Variants in GPR107 observed in about 807,000 individuals in gnomAD.
The protein encoded by GPR107 is protein GPR107.
GPR107 carries 31 observed loss-of-function variants against 75.5 expected under a neutral mutation model. The observed-to-expected ratio is 0.41, with a 90% CI of 0.31 to 0.55. The LOEUF is 0.55. Ranked by LOEUF, GPR107 falls within the 20% of genes least tolerant of loss-of-function variation. The probability of loss-of-function intolerance (pLI) is 0.26; values close to 1 mark genes in which losing one functional copy is unlikely to be tolerated. For missense variants in GPR107, 572 were observed against 665.7 expected (o/e 0.86, Z 1.55); for synonymous variants, 267 against 251.3 (o/e 1.06, Z -0.59).
chr9:130,071,070 CTG>C (rs1830197394), intron 1 of GPR107, among the ~76,000 whole-genome samples: 1 of 126,456 alleles, frequency 7.9e-6, no homozygotes, highest in Non-Finnish European at 1.6e-5. Context: ...GAGTCACACT[CTG>C]TGGCGCAGGC....
intron 13 of GPR107, 40 bp downstream of exon 13, chr9:130,104,590 G>C (rs200034101): frequency 3.0e-5 from 47 of 1,588,450 alleles, no homozygotes; most frequent in Non-Finnish European, 4.0e-5. Flanking sequence ...TGACAGCTTG[G>C]CTGTCAAGCC....
At chr9:130,102,071 CTG>C (rs1254215372) in intron 12 of GPR107, among the ~76,000 whole-genome samples, 2 of 152,136 alleles carry the variant, frequency 1.3e-5, no homozygotes, top group Non-Finnish European at 1.5e-5. Context: ...GCCAGTTGCT[CTG>C]TGTTTCCAAG....
chr9:130,091,499 GGTT>G (rs1217254596), intron 8 of GPR107, among the ~76,000 whole-genome samples: 2 of 150,278 alleles, frequency 1.3e-5, no homozygotes, highest in African/African-American at 4.9e-5. Context: ...AAAAAAAAGT[GGTT>G]GTGTGGTTAT....
intron 13 of GPR107, among the ~76,000 whole-genome samples, chr9:130,106,637 A>ATAATAG (rs1564677038): frequency 2.6e-5 from 4 of 151,200 alleles, no homozygotes; most frequent in Non-Finnish European, 5.9e-5. Flanking sequence ...AATAATAATA[A>ATAATAG]TACTTGTAAA....
At chr9:130,093,706 T>A (rs1203887632) in intron 9 of GPR107, among the ~76,000 whole-genome samples, 1 of 152,056 alleles carries the variant, frequency 6.6e-6, no homozygotes, top group Non-Finnish European at 1.5e-5. Context: ...ATGGGCGAGG[T>A]GTGGTGGCTC....
chr9:130,119,685 G>C (rs1404357962), intron 14 of GPR107, among the ~76,000 whole-genome samples: 3 of 152,168 alleles, frequency 2.0e-5, no homozygotes, highest in African/African-American at 7.2e-5. Context: ...TGCCTCTGCT[G>C]CTTCAGCTGT....
intron 1 of GPR107, among the ~76,000 whole-genome samples, chr9:130,065,979 C>CT (rs1194019127): frequency 6.6e-6 from 1 of 151,586 alleles, no homozygotes; most frequent in Non-Finnish European, 1.5e-5. Flanking sequence ...ATTCACTCCC[C>CT]CCCAAAAGTA....
At chr9:130,087,454 G>C (rs1830641452) in intron 7 of GPR107, among the ~76,000 whole-genome samples, 1 of 151,950 alleles carries the variant, frequency 6.6e-6, no homozygotes, top group East Asian at 2.0e-4. Context: ...GATTGCTTGA[G>C]CCCAGGAGTT....
chr9:130,093,800 G>A (rs1020741689), intron 9 of GPR107, among the ~76,000 whole-genome samples: 1 of 151,854 alleles, frequency 6.6e-6, no homozygotes, highest in African/African-American at 2.4e-5. Context: ...GGGCAACATA[G>A]CAAGACCCCC....
intron 12 of GPR107, among the ~76,000 whole-genome samples, chr9:130,102,747 T>C (rs528903171): frequency 1.3e-5 from 2 of 152,040 alleles, no homozygotes; most frequent in South Asian, 4.1e-4. Context: ...AAGGACAAAA[T>C]GGAATTTTGA....
chr9:130,125,159 C>T (rs1439138675), intron 15 of GPR107, among the ~76,000 whole-genome samples, 195 bp downstream of exon 15: 3 of 117,834 alleles, frequency 2.5e-5, no homozygotes, highest in East Asian at 3.0e-4. Context: ...AGTGCAGTGG[C>T]ACGATCTTCG....
At chr9:130,127,922 C>G (rs1338447975) in intron 16 of GPR107, among the ~76,000 whole-genome samples, 2 of 152,122 alleles carry the variant, frequency 1.3e-5, no homozygotes, top group Admixed American at 6.6e-5. Context: ...AGGCTGGTCT[C>G]AAACACCTGA....
chr9:130,125,671 G>A (rs569752869), intron 15 of GPR107, among the ~76,000 whole-genome samples: 32 of 139,358 alleles, frequency 2.3e-4, no homozygotes, highest in Admixed American at 1.2e-3. Context: ...GTGCGATCCC[G>A]GCCACTATTT....
chr9:130,080,471 G>GTTTATTTATTTATTTATTTA (rs59817565), intron 5 of GPR107, among the ~76,000 whole-genome samples: 46 of 146,690 alleles, frequency 3.1e-4, no homozygotes, highest in Non-Finnish European at 4.3e-4. Flanking sequence ...AGGTATTCCT[G>GTTTATTTATTTATTTATTTA]TTTATTTATT....
chr9:130,134,159 C>T (rs12353327), intron 17 of GPR107, among the ~76,000 whole-genome samples: 8,146 of 152,220 alleles, frequency 0.054, 273 homozygotes, highest in Admixed American at 0.095. Flanking sequence ...CTGGGCCAAG[C>T]GGCTTTTGAC....
At chr9:130,073,891 G>T (rs528085487) in intron 1 of GPR107, among the ~76,000 whole-genome samples, 3 of 152,338 alleles carry the variant, frequency 2.0e-5, no homozygotes, top group Admixed American at 6.5e-5. Flanking sequence ...AAGTAGCTGG[G>T]ATTACAGGCA....
chr9:130,112,345 G>A lies in GPR107; in HGVS notation c.1306+4806G>A, dbSNP rs4837461. ...GGCAGCGGTTCTCAAGGGGGTCCTC[G>A]GGATCAAAACTATTTTCATAATCAT... is the stretch of plus-strand genomic sequence containing the variant. On this transcript the variant is annotated intron_variant, in intron 14 of 17. Coordinates refer to ENST00000347136, the MANE Select transcript of GPR107 (RefSeq NM_020960.5). The surrounding 1 kb of genome is among the most constrained non-coding windows in gnomAD (Gnocchi z 4.0). 0.97 allele frequency among the ~76,000 whole-genome samples: 148,244 copies of A among 152,304 alleles called. 72,181 individuals carry two copies. The highest frequency in any genetic ancestry group is 1 in the East Asian group (5,188 of 5,188).
intron 17 of GPR107, among the ~76,000 whole-genome samples, chr9:130,133,569 C>T (rs1428452050): frequency 6.6e-6 from 1 of 152,172 alleles, no homozygotes; most frequent in African/African-American, 2.4e-5. Context: ...GAGAAGGTCC[C>T]TTCAGGAGCA....
chr9:130,071,437 A>G (rs559468654), intron 1 of GPR107, among the ~76,000 whole-genome samples: 4 of 152,158 alleles, frequency 2.6e-5, no homozygotes, highest in African/African-American at 9.6e-5. Flanking sequence ...AATGGCTCTC[A>G]TATCAGATCT....
Sources: gnomAD v4.1 joint callset for allele counts (sites outside exome capture counted in the v4.1 genomes callset) on GRCh38, gnomAD v4.1.1 for gene constraint, Gnocchi (gnomAD v3.1) non-coding constraint, MANE v1.5 for transcripts, NCBI Gene and HGNC (gene_info 2026-07-23, HGNC 2026-07-21) for gene names.